Variants in TASP1 observed in about 807,000 individuals in gnomAD.
TASP1 encodes the protein taspase 1, also known as threonine aspartase 1.
Under a neutral mutation model 56.6 loss-of-function variants are expected in TASP1, and 16 were observed. The observed-to-expected ratio is 0.28, with a 90% CI of 0.19 to 0.43. The LOEUF is 0.43. Ranked by LOEUF, TASP1 falls within the 20% of genes least tolerant of loss-of-function variation. TASP1 has a pLI of 1.00. For synonymous variants in TASP1, 179 were observed against 184.2 expected (o/e 0.97, Z 0.23); for missense variants, 393 against 511.6 (o/e 0.77, Z 2.24).
intron 8 of TASP1, among the ~76,000 whole-genome samples, chr20:13,541,063 C>T (rs533703209): frequency 6.6e-6 from 1 of 152,100 alleles, no homozygotes; most frequent in African/African-American, 2.4e-5. Context: ...TATTAAGAGA[C>T]ATGGCTCAAA....
At chr20:13,141,480 C>T in the TASP1 span, among the ~76,000 whole-genome samples, 12 of 152,268 alleles carry the variant, frequency 7.9e-5, no homozygotes, top group African/African-American at 2.9e-4. Context: ...AACTGGTTTC[C>T]TACAGCCTTT....
At chr20:13,143,924 T>A in the TASP1 span, among the ~76,000 whole-genome samples, 6 of 152,210 alleles carry the variant, frequency 3.9e-5, no homozygotes, top group African/African-American at 1.4e-4. Flanking sequence ...TCCTGACTAG[T>A]CTTGCTACCT....
At chr20:13,580,324 G>A (rs922215866) in intron 6 of TASP1, among the ~76,000 whole-genome samples, 4 of 152,160 alleles carry the variant, frequency 2.6e-5, no homozygotes, top group Non-Finnish European at 5.9e-5. Context: ...GCACATGCAT[G>A]TAGTCCCAGC....
intron 4 of TASP1, among the ~76,000 whole-genome samples, chr20:13,610,465 G>A (rs1313923480): frequency 6.6e-6 from 1 of 152,116 alleles, no homozygotes; most frequent in African/African-American, 2.4e-5. Context: ...AGTGACACAA[G>A]GCCGGCCATG....
At chr20:13,523,143 T>G (rs2044830824) in intron 10 of TASP1, among the ~76,000 whole-genome samples, 1 of 152,110 alleles carries the variant, frequency 6.6e-6, no homozygotes, top group Non-Finnish European at 1.5e-5. Context: ...GAAAATTCCT[T>G]GAGGTTTCAC....
the TASP1 span, among the ~76,000 whole-genome samples, chr20:13,322,686 T>A: frequency 7.0e-4 from 107 of 152,264 alleles, no homozygotes; most frequent in Non-Finnish European, 1.2e-3. Flanking sequence ...GGAGACAGGA[T>A]AAGGAATAGC....
the TASP1 span, among the ~76,000 whole-genome samples, chr20:13,320,965 G>A: frequency 2.0e-5 from 3 of 152,162 alleles, no homozygotes; most frequent in Non-Finnish European, 2.9e-5. Flanking sequence ...TTGGGAGGCC[G>A]AGGCTGGTGG....
intron 11 of TASP1, among the ~76,000 whole-genome samples, chr20:13,473,310 T>A (rs79491483): frequency 7.8e-6 from 1 of 127,554 alleles, no homozygotes; most frequent in Non-Finnish European, 1.6e-5. Flanking sequence ...ACACAGGAAG[T>A]GGAACATCAC....
At chr20:13,214,531 AC>A in the TASP1 span, among the ~76,000 whole-genome samples, 3 of 72,006 alleles carry the variant, frequency 4.2e-5, no homozygotes, top group African/African-American at 2.6e-4. Context: ...ACACACACAC[AC>A]ACACACACAC....
the TASP1 span, among the ~76,000 whole-genome samples, chr20:13,284,836 A>G: frequency 6.6e-6 from 1 of 152,238 alleles, no homozygotes; most frequent in East Asian, 1.9e-4. Flanking sequence ...GTTTGGAAAT[A>G]AAATGGCTTT....
chr20:13,295,478 G>T, the TASP1 span, among the ~76,000 whole-genome samples: 3 of 152,086 alleles, frequency 2.0e-5, no homozygotes, highest in African/African-American at 7.2e-5. Context: ...ATTTTTTCCT[G>T]CATAACCTTA....
chr20:13,270,522 A>C, the TASP1 span: 6 of 1,613,414 alleles, frequency 3.7e-6, no homozygotes, highest in Non-Finnish European at 5.1e-6. Flanking sequence ...CAACGTGGGA[A>C]GTGACACCAC....
chr20:13,580,120 A>C (rs1471710052), intron 6 of TASP1, among the ~76,000 whole-genome samples: 1 of 152,214 alleles, frequency 6.6e-6, no homozygotes, highest in Non-Finnish European at 1.5e-5. Flanking sequence ...AAACTATTTA[A>C]GGGTAAACTA....
chr20:13,402,809 AG>A (rs1241220616), intron 13 of TASP1, among the ~76,000 whole-genome samples: 1 of 152,224 alleles, frequency 6.6e-6, no homozygotes, highest in Admixed American at 6.5e-5. Flanking sequence ...GTCTCTTTTA[AG>A]GGATTCATGG....
At chr20:13,227,475 T>C in the TASP1 span, among the ~76,000 whole-genome samples, 1 of 149,510 alleles carries the variant, frequency 6.7e-6, no homozygotes, top group African/African-American at 2.5e-5. Context: ...AGTGCTGGGA[T>C]TACAGGTGTG....
At chr20:13,505,687 G>A (rs1206037680) in intron 10 of TASP1, among the ~76,000 whole-genome samples, 1 of 152,002 alleles carries the variant, frequency 6.6e-6, no homozygotes, top group African/African-American at 2.4e-5. Flanking sequence ...GAAATTAAAA[G>A]GGAAATTTTA....
chr20:13,349,197 G>A, the TASP1 span, among the ~76,000 whole-genome samples: 10 of 152,108 alleles, frequency 6.6e-5, no homozygotes. Flanking sequence ...TCACAGCTGG[G>A]ACTGATGCTC....
the TASP1 span, among the ~76,000 whole-genome samples, chr20:13,181,054 C>T: frequency 7.2e-5 from 11 of 152,200 alleles, no homozygotes; most frequent in Admixed American, 7.2e-4. Flanking sequence ...AACACTCTGA[C>T]AGCTCCCTAT....
intron 11 of TASP1, among the ~76,000 whole-genome samples, chr20:13,462,242 G>A (rs1220106506): frequency 4.6e-5 from 7 of 152,134 alleles, no homozygotes; most frequent in Admixed American, 4.6e-4. Context: ...AAAAGCCACT[G>A]CACTTGTACA....
Sources: gnomAD v4.1 joint callset for allele counts (sites outside exome capture counted in the v4.1 genomes callset) on GRCh38, gnomAD v4.1.1 for gene constraint, MANE v1.5 for transcripts, NCBI Gene and HGNC (gene_info 2026-07-23, HGNC 2026-07-21) for gene names.